The following NALF1 variants were observed in gnomAD, a reference collection of about 807,000 sequenced individuals.
NALF1 encodes the protein family with sequence similarity 155 member A.
A neutral mutation model predicts 48.4 loss-of-function variants in NALF1; 3 were observed. That is an observed-to-expected ratio of 0.06 (90% confidence interval 0.03 to 0.16). NALF1 has a LOEUF of 0.16. Among genes scored for constraint, NALF1 ranks in the 10% least tolerant of loss-of-function variants. The pLI is 1.00. For synonymous variants in NALF1, 262 were observed against 245.7 expected (o/e 1.07, Z -0.62); for missense variants, 526 against 571.5 (o/e 0.92, Z 0.81).
At chr13:107,724,691 A>ATTT (rs1876098998) in intron 1 of NALF1, among the ~76,000 whole-genome samples, 1 of 152,136 alleles carries the variant, frequency 6.6e-6, no homozygotes, top group Non-Finnish European at 1.5e-5. Context: ...CCTCCTGAAT[A>ATTT]GCTGGGACTA....
chr13:107,539,798 C>T (rs1042823977), intron 1 of NALF1, among the ~76,000 whole-genome samples: 1 of 151,986 alleles, frequency 6.6e-6, no homozygotes, highest in African/African-American at 2.4e-5. Flanking sequence ...GACTTTGTGT[C>T]TAAATCATAA....
intron 1 of NALF1, among the ~76,000 whole-genome samples, chr13:107,701,928 T>G (rs965368043): frequency 2.1e-4 from 32 of 152,178 alleles, no homozygotes; most frequent in African/African-American, 7.2e-4. Flanking sequence ...CTTATCATAT[T>G]GGTTGGAAAG....
chr13:107,361,227 T>C (rs1037458482), intron 1 of NALF1, among the ~76,000 whole-genome samples: 1 of 152,156 alleles, frequency 6.6e-6, no homozygotes, highest in African/African-American at 2.4e-5. Context: ...ACAAATGAGC[T>C]GGAGGAACTG....
In NALF1 at chr13:107,226,596, G is replaced by T. The variant is rs962551535; in HGVS notation, c.916-15841C>A. Reference sequence around the variant, plus strand: ...ATAATGTAAAACATACTTAGCATCGGGTTTCTGACTTTTTATAACCACTAT... The same window carrying T: ...ATAATGTAAAACATACTTAGCATCGTGTTTCTGACTTTTTATAACCACTAT... On this transcript the variant is annotated intron_variant, in intron 1 of 2. Transcript: ENST00000375915. Among the ~76,000 whole-genome samples the T allele has an allele frequency of 4.6e-5, 7 of 152,218 alleles. No individual in the cohort carries two copies. The East Asian group carries it at 1.2e-3, about 25-fold the overall frequency.
intron 1 of NALF1, among the ~76,000 whole-genome samples, chr13:107,292,992 C>CTTTTTCTTTTTTTTTT (rs745529749): frequency 2.2e-3 from 247 of 110,564 alleles, no homozygotes; most frequent in Non-Finnish European, 3.1e-3. Context: ...TTTTCTTTTT[C>CTTTTTCTTTTTTTTTT]TTTTTTTTTT....
intron 1 of NALF1, among the ~76,000 whole-genome samples, chr13:107,283,617 ATTATTTATTTATTTAT>A (rs71121515): frequency 2.0e-4 from 29 of 145,464 alleles, no homozygotes; most frequent in African/African-American, 5.1e-4. Context: ...GCGGATCTTC[ATTATTTATTTATTTAT>A]TTATTTATTT....
chr13:107,460,676 A>G (rs1884903120), intron 1 of NALF1, among the ~76,000 whole-genome samples: 1 of 152,206 alleles, frequency 6.6e-6, no homozygotes, highest in African/African-American at 2.4e-5. Context: ...CAGATATTAT[A>G]ATTGTATACA....
chr13:107,248,833 AGAG>A (rs1262837220), intron 1 of NALF1, among the ~76,000 whole-genome samples: 1 of 151,608 alleles, frequency 6.6e-6, no homozygotes, highest in Non-Finnish European at 1.5e-5. Flanking sequence ...CTCATAATAC[AGAG>A]TTCAGAAATA....
In NALF1 at chr13:107,684,949, A is replaced by C. The variant is rs73601400; in HGVS notation, c.915+180733T>G. Among the ~76,000 whole-genome samples, 1,196 of 152,272 alleles carry C rather than the reference A, an allele frequency of 7.9e-3. 13 individuals carry two copies. Among genetic ancestry groups the C allele is most frequent in the African/African-American group, 0.027 (1,107 of 41,544 alleles). On this transcript the variant is annotated intron_variant, in intron 1 of 2. Coordinates refer to ENST00000375915, the MANE Select transcript of NALF1 (RefSeq NM_001080396.3). Reference sequence around the variant, plus strand: ...TTGCTAATTGGGGCTTCATTTCCCCAGGACTCCTGTGAGTCTGGGGACCAG... The same window carrying C: ...TTGCTAATTGGGGCTTCATTTCCCCCGGACTCCTGTGAGTCTGGGGACCAG...
chr13:107,304,077 A>G (rs1881891061), intron 1 of NALF1, among the ~76,000 whole-genome samples: 1 of 152,148 alleles, frequency 6.6e-6, no homozygotes, highest in Non-Finnish European at 1.5e-5. Flanking sequence ...GAGTGACACA[A>G]GTGGATAATT....
intron 1 of NALF1, among the ~76,000 whole-genome samples, chr13:107,465,158 T>C (rs1884980413): frequency 6.6e-6 from 1 of 152,240 alleles, no homozygotes; most frequent in East Asian, 1.9e-4. Context: ...ATTAACATTA[T>C]GTGAAACTTT....
intron 1 of NALF1, among the ~76,000 whole-genome samples, chr13:107,503,462 A>G (rs926949326): frequency 3.3e-5 from 5 of 152,126 alleles, no homozygotes; most frequent in Non-Finnish European, 5.9e-5. Context: ...AAATGTTTGC[A>G]AGGTGTGGCA....
intron 1 of NALF1, among the ~76,000 whole-genome samples, chr13:107,383,076 T>G (rs1184325798): frequency 6.6e-6 from 1 of 152,160 alleles, no homozygotes; most frequent in Non-Finnish European, 1.5e-5. Context: ...ATACTGCAAG[T>G]TAGTAGTTGG....
At chr13:107,822,554 T>G (rs919219969) in intron 1 of NALF1, among the ~76,000 whole-genome samples, 1 of 152,186 alleles carries the variant, frequency 6.6e-6, no homozygotes, top group African/African-American at 2.4e-5. Context: ...TGAGAACTAC[T>G]GCTTTATCAT....
intron 1 of NALF1, among the ~76,000 whole-genome samples, chr13:107,503,840 C>T (rs1875605140): frequency 6.7e-6 from 1 of 149,330 alleles, no homozygotes; most frequent in Non-Finnish European, 1.5e-5. Flanking sequence ...TTTGCCACAA[C>T]AGTAGTAGAC....
chr13:107,511,546 G>A (rs79125837), intron 1 of NALF1, among the ~76,000 whole-genome samples: 1 of 152,042 alleles, frequency 6.6e-6, no homozygotes, highest in Non-Finnish European at 1.5e-5. Context: ...AGTCTGCTAC[G>A]GTGAGCTCAG....
At chr13:107,360,773 A>C (rs1883047170) in intron 1 of NALF1, among the ~76,000 whole-genome samples, 1 of 152,206 alleles carries the variant, frequency 6.6e-6, no homozygotes, top group South Asian at 2.1e-4. Flanking sequence ...TAGCTTGTTC[A>C]AACTAGAATG....
intron 1 of NALF1, among the ~76,000 whole-genome samples, chr13:107,755,767 C>A (rs369661223): frequency 2.0e-4 from 31 of 152,176 alleles, no homozygotes; most frequent in African/African-American, 7.5e-4. Context: ...TTGGAGGCAA[C>A]CCAGAATTTC....
At chr13:107,258,411 A>C (rs891011771) in intron 1 of NALF1, among the ~76,000 whole-genome samples, 3 of 152,208 alleles carry the variant, frequency 2.0e-5, no homozygotes, top group African/African-American at 7.2e-5. Flanking sequence ...CAACGTTTAC[A>C]TTGCCATATC....
Sources: allele counts gnomAD v4.1 joint callset (sites outside exome capture counted in the v4.1 genomes callset), GRCh38; gene constraint gnomAD v4.1.1; transcripts MANE v1.5; gene names NCBI Gene and HGNC (gene_info 2026-07-23, HGNC 2026-07-21).